The following ANKS1B variants were observed in gnomAD, a reference collection of about 807,000 sequenced individuals.
The protein encoded by ANKS1B is ankyrin repeat and sterile alpha motif domain-containing protein 1B.
ANKS1B carries 36 observed loss-of-function variants against 148.3 expected under a neutral mutation model. The ratio of observed to expected loss-of-function variants is 0.24; its 90% CI spans 0.19 to 0.32. The LOEUF (loss-of-function observed/expected upper bound fraction) is 0.32, where lower values mean the gene tolerates loss of function less well. Among genes scored for constraint, ANKS1B ranks in the 10% least tolerant of loss-of-function variants. The pLI is 1.00. For synonymous variants in ANKS1B, 542 were observed against 560.8 expected (o/e 0.97, Z 0.47); for missense variants, 1,157 against 1,542.6 (o/e 0.75, Z 4.19).
At chr12:99,324,694 T>TA (rs972902962) in intron 12 of ANKS1B, among the ~76,000 whole-genome samples, 2 of 152,112 alleles carry the variant, frequency 1.3e-5, no homozygotes, top group African/African-American at 4.8e-5. Flanking sequence ...AAAAGTACTA[T>TA]AAAAAACATT....
chr12:99,382,928 C>A (rs1277362911), intron 12 of ANKS1B, among the ~76,000 whole-genome samples: 1 of 152,096 alleles, frequency 6.6e-6, no homozygotes, highest in African/African-American at 2.4e-5. Flanking sequence ...GTTTCCTGCT[C>A]AAGCCAGGAG....
intron 10 of ANKS1B, among the ~76,000 whole-genome samples, chr12:99,485,754 G>A (rs1484786925): frequency 6.6e-6 from 1 of 151,830 alleles, no homozygotes; most frequent in Non-Finnish European, 1.5e-5. Flanking sequence ...TGTCTGACTG[G>A]GTTAATTCAA....
intron 1 of ANKS1B, among the ~76,000 whole-genome samples, chr12:99,964,273 T>G (rs2095456983): frequency 6.6e-6 from 1 of 152,230 alleles, no homozygotes; most frequent in African/African-American, 2.4e-5. Flanking sequence ...CCTAAAATCA[T>G]TAATTGCCCA....
intron 17 of ANKS1B, among the ~76,000 whole-genome samples, chr12:98,906,640 A>G (rs998108297): frequency 2.0e-5 from 3 of 152,154 alleles, no homozygotes; most frequent in Non-Finnish European, 4.4e-5. Context: ...GGTTGAAGGA[A>G]CTATCATTTT....
At chr12:99,569,527 G>A (rs2097430234) in intron 9 of ANKS1B, among the ~76,000 whole-genome samples, 1 of 152,188 alleles carries the variant, frequency 6.6e-6, no homozygotes. Context: ...AAACTAAAAT[G>A]TAGGAACAGA....
chr12:99,604,815 CAAAA>C (rs150262116), intron 9 of ANKS1B, among the ~76,000 whole-genome samples: 1 of 81,098 alleles, frequency 1.2e-5, no homozygotes. Context: ...AACTCTATCT[CAAAA>C]AAAAAAAAAA....
chr12:99,964,096 G>A (rs1449961328), intron 1 of ANKS1B, among the ~76,000 whole-genome samples: 1 of 151,906 alleles, frequency 6.6e-6, no homozygotes, highest in Non-Finnish European at 1.5e-5. Context: ...CATTCTGGAG[G>A]CCTACTACAT....
chr12:99,919,864 A>C (rs915431407), intron 1 of ANKS1B, among the ~76,000 whole-genome samples: 6 of 151,860 alleles, frequency 4.0e-5, no homozygotes, highest in Admixed American at 3.3e-4. Flanking sequence ...GATTGATTAC[A>C]TATTGAAATA....
At chr12:98,880,763 G>A (rs987365814) in intron 17 of ANKS1B, among the ~76,000 whole-genome samples, 10 of 151,578 alleles carry the variant, frequency 6.6e-5, no homozygotes, top group African/African-American at 2.2e-4. Flanking sequence ...GCGAGACTCC[G>A]TCTCAAAAAA....
intron 12 of ANKS1B, among the ~76,000 whole-genome samples, chr12:99,370,985 A>C (rs1026961824): frequency 2.0e-5 from 3 of 152,028 alleles, no homozygotes; most frequent in African/African-American, 7.2e-5. Context: ...CTTCTGCTAT[A>C]GAGTTTCTGG....
intron 8 of ANKS1B, among the ~76,000 whole-genome samples, chr12:99,716,844 C>G (rs2057397468): frequency 6.6e-6 from 1 of 152,124 alleles, no homozygotes; most frequent in Admixed American, 6.5e-5. Flanking sequence ...CTCTCCCCTC[C>G]TCGCCAGGCC....
chr12:99,346,381 G>GTA (rs10661021), intron 12 of ANKS1B, among the ~76,000 whole-genome samples: 16,283 of 147,826 alleles, frequency 0.11, 862 homozygotes, highest in Non-Finnish European at 0.13. Flanking sequence ...TCTCACACAC[G>GTA]CACACACACA....
At chr12:99,104,870 G>GA (rs1477362781) in intron 15 of ANKS1B, 1 of 152,214 alleles carries the variant, frequency 6.6e-6, no homozygotes, top group Non-Finnish European at 1.5e-5. Flanking sequence ...GTGGTCCACA[G>GA]AATCACCTAC....
At chr12:98,915,845 G>A (rs1055316977) in intron 17 of ANKS1B, among the ~76,000 whole-genome samples, 1 of 152,120 alleles carries the variant, frequency 6.6e-6, no homozygotes, top group African/African-American at 2.4e-5. Flanking sequence ...ATGGTGAACG[G>A]GCAGAACCAA....
chr12:98,808,638 T>C (rs2099069617), intron 19 of ANKS1B, among the ~76,000 whole-genome samples: 1 of 152,130 alleles, frequency 6.6e-6, no homozygotes, highest in Non-Finnish European at 1.5e-5. Context: ...CCCACACCAT[T>C]AATAAGATAA....
chr12:98,976,381 T>C (rs567709214), intron 17 of ANKS1B: 3 of 152,330 alleles, frequency 2.0e-5, no homozygotes, highest in Non-Finnish European at 4.4e-5. Flanking sequence ...TTGATTTTTT[T>C]CCAATTTCAG....
chr12:99,589,832 C>G (rs887429070), intron 9 of ANKS1B, among the ~76,000 whole-genome samples: 3 of 151,968 alleles, frequency 2.0e-5, no homozygotes, highest in African/African-American at 7.2e-5. Context: ...TAGAATGCTC[C>G]TAACACAAAA....
chr12:99,103,508 C>A (rs1464039577), intron 15 of ANKS1B, among the ~76,000 whole-genome samples: 5 of 152,194 alleles, frequency 3.3e-5, no homozygotes, highest in African/African-American at 1.2e-4. Context: ...CTATGTCTCA[C>A]TTTCATCTTA....
intron 14 of ANKS1B, among the ~76,000 whole-genome samples, chr12:99,175,626 A>G (rs1226446450): frequency 6.6e-6 from 1 of 152,174 alleles, no homozygotes; most frequent in Non-Finnish European, 1.5e-5. Flanking sequence ...TACTTACTCA[A>G]CACAAGTACT....
Sources: allele counts gnomAD v4.1 joint callset (sites outside exome capture counted in the v4.1 genomes callset), GRCh38; gene constraint gnomAD v4.1.1; transcripts MANE v1.5; gene names NCBI Gene and HGNC (gene_info 2026-07-23, HGNC 2026-07-21).